Variants in PIK3C2G observed in about 807,000 individuals in gnomAD.
PIK3C2G encodes the protein phosphatidylinositol-4-phosphate 3-kinase catalytic subunit type 2 gamma, also known as phosphatidylinositol 3-kinase C2 domain-containing subunit gamma.
Under a neutral mutation model 181.1 loss-of-function variants are expected in PIK3C2G, and 168 were observed. That is an observed-to-expected ratio of 0.93 (90% confidence interval 0.82 to 1.05). The LOEUF is 1.05. Ranked by LOEUF, PIK3C2G falls within the 50% of genes least tolerant of loss-of-function variation. The pLI is 0.00. For synonymous variants in PIK3C2G, 573 were observed against 592.2 expected, an observed-to-expected ratio of 0.97 and a Z score of 0.47; for missense variants, 1,869 against 1,732.8, an observed-to-expected ratio of 1.08 and a Z score of -1.40.
rs201268141 is a variant in PIK3C2G, at chr12:18,640,396, T to C, written c.4183-33T>C. The C allele has an allele frequency of 1.7e-5, 27 of 1,585,164 alleles. No homozygotes were observed. The East Asian group carries it at 3.2e-4, about 19-fold the overall frequency. Reference sequence around the variant, plus strand: ...GTATTTGTTTTCTTTGATAGCAACATGCATTAATATTTATAACCATTTTCC... The same window carrying C: ...GTATTTGTTTTCTTTGATAGCAACACGCATTAATATTTATAACCATTTTCC... On this transcript the variant is annotated intron_variant, in intron 31 of 32. Transcript: ENST00000538779.
At chr12:18,425,978 T>C (rs1945786299) in intron 18 of PIK3C2G, among the ~76,000 whole-genome samples, 1 of 152,224 alleles carries the variant, frequency 6.6e-6, no homozygotes, top group Non-Finnish European at 1.5e-5. Flanking sequence ...TCTTACACAA[T>C]ATATCCTTGG....
At chr12:18,579,680 C>T (rs1199041852) in intron 29 of PIK3C2G, among the ~76,000 whole-genome samples, 1 of 152,188 alleles carries the variant, frequency 6.6e-6, no homozygotes, top group Non-Finnish European at 1.5e-5. Context: ...TGTCTTTTAG[C>T]TTCACTCTTT....
chr12:18,488,755 C>G, intron 19 of PIK3C2G, 126 bp downstream of exon 19: 1 of 557,730 alleles, frequency 1.8e-6, no homozygotes, highest in Non-Finnish European at 2.8e-6. Flanking sequence ...AAATCAATTA[C>G]TTTAGTCAAG....
At chr12:18,277,632 G>C (rs1177219947) in intron 1 of PIK3C2G, among the ~76,000 whole-genome samples, 1 of 152,024 alleles carries the variant, frequency 6.6e-6, no homozygotes, top group African/African-American at 2.4e-5. Flanking sequence ...GATATTCTTA[G>C]TAATGTGGCC....
At chr12:18,530,171 T>C (rs577482190) in intron 24 of PIK3C2G, among the ~76,000 whole-genome samples, 1 of 152,266 alleles carries the variant, frequency 6.6e-6, no homozygotes, top group East Asian at 1.9e-4. Flanking sequence ...ACTTACTTTC[T>C]TGAGAAAAAT....
chr12:18,436,935 C>CA (rs906013037), intron 18 of PIK3C2G, among the ~76,000 whole-genome samples: 7 of 151,738 alleles, frequency 4.6e-5, no homozygotes, highest in Admixed American at 1.3e-4. Flanking sequence ...AGTTATCTGG[C>CA]AAAAAAGTGT....
chr12:18,479,009 A>G (rs1939290819), intron 18 of PIK3C2G, among the ~76,000 whole-genome samples: 1 of 148,242 alleles, frequency 6.7e-6, no homozygotes, highest in Non-Finnish European at 1.5e-5. Flanking sequence ...ATGTATATAT[A>G]TATTTTTATA....
the PIK3C2G span, among the ~76,000 whole-genome samples, chr12:18,721,902 A>G: frequency 6.6e-6 from 1 of 152,008 alleles, no homozygotes; most frequent in South Asian, 2.1e-4. Context: ...AAATCTTTGC[A>G]TGGCACTGAG....
At chr12:18,306,282 A>G (rs1950417881) in intron 5 of PIK3C2G, among the ~76,000 whole-genome samples, 1 of 151,928 alleles carries the variant, frequency 6.6e-6, no homozygotes, top group Admixed American at 6.6e-5. Context: ...AGCTGTTGGT[A>G]TCAATTTATG....
chr12:18,407,269 C>A (rs1001294694), intron 16 of PIK3C2G, among the ~76,000 whole-genome samples: 2 of 152,004 alleles, frequency 1.3e-5, no homozygotes, highest in African/African-American at 4.8e-5. Flanking sequence ...ATGACTTAAA[C>A]ACACTTGTTA....
rs183908203 is a variant in PIK3C2G at position 18,293,047 on chromosome 12, G to T, written c.920-854G>T. On this transcript the variant is annotated intron_variant, in intron 4 of 32. Coordinates refer to ENST00000538779, the MANE Select transcript of PIK3C2G (RefSeq NM_001288772.2). ...CCTATATAATAGGTACAATAATCAA[G>T]AAATGACATGTAAAGCACTTAATAG... Among the ~76,000 whole-genome samples, 4 of 152,196 alleles carry T rather than the reference G, an allele frequency of 2.6e-5. No homozygotes were observed. In the East Asian group the frequency reaches 7.7e-4, roughly 29 times the overall value.
intron 31 of PIK3C2G, among the ~76,000 whole-genome samples, chr12:18,627,424 C>T (rs1949151430): frequency 6.6e-6 from 1 of 151,976 alleles, no homozygotes; most frequent in Non-Finnish European, 1.5e-5. Flanking sequence ...TTTTGAGATG[C>T]CATGATTCCT....
chr12:18,549,562 C>T (rs1215008635), intron 26 of PIK3C2G, among the ~76,000 whole-genome samples: 1 of 152,008 alleles, frequency 6.6e-6, no homozygotes, highest in African/African-American at 2.4e-5. Flanking sequence ...AGAACGTTCT[C>T]TATGCTCAAA....
chr12:18,706,871 C>T, the PIK3C2G span, among the ~76,000 whole-genome samples: 4 of 152,204 alleles, frequency 2.6e-5, no homozygotes, highest in Non-Finnish European at 5.9e-5. Flanking sequence ...ACTGTCTAGT[C>T]ACCAGAAGTT....
chr12:18,433,419 A>G (rs902536911), intron 18 of PIK3C2G, among the ~76,000 whole-genome samples: 5 of 148,730 alleles, frequency 3.4e-5, no homozygotes, highest in Non-Finnish European at 7.4e-5. Flanking sequence ...AGGCTGAGGC[A>G]GGAGGCTGAG....
At chr12:18,342,996 C>T (rs150398503) in intron 9 of PIK3C2G, among the ~76,000 whole-genome samples, 265 of 152,046 alleles carry the variant, frequency 1.7e-3, no homozygotes, top group African/African-American at 6.0e-3. Flanking sequence ...GAGCTGGACA[C>T]GGCATACAGA....
chr12:18,481,807 A>G (rs1411815349), intron 18 of PIK3C2G, among the ~76,000 whole-genome samples: 1 of 152,128 alleles, frequency 6.6e-6, no homozygotes, highest in African/African-American at 2.4e-5. Flanking sequence ...AAGGTTCCCC[A>G]AAATTCTACT....
chr12:18,425,576 G>A (rs1195406101), intron 18 of PIK3C2G, among the ~76,000 whole-genome samples: 1 of 151,828 alleles, frequency 6.6e-6, no homozygotes, highest in African/African-American at 2.4e-5. Context: ...ATTTTTGGTA[G>A]AGACAGGGTT....
the PIK3C2G span, among the ~76,000 whole-genome samples, chr12:18,697,872 A>C: frequency 7.8e-6 from 1 of 128,498 alleles, no homozygotes; most frequent in Non-Finnish European, 1.6e-5. Flanking sequence ...TGCAGACATC[A>C]TTGATTATTT....
Sources: allele counts gnomAD v4.1 joint callset (sites outside exome capture counted in the v4.1 genomes callset), GRCh38; gene constraint gnomAD v4.1.1; transcripts MANE v1.5; gene names NCBI Gene and HGNC (gene_info 2026-07-23, HGNC 2026-07-21).